Variants in KIF6 observed in about 807,000 individuals in gnomAD.
The protein encoded by KIF6 is kinesin family member 6.
KIF6 carries 106 observed loss-of-function variants against 112.7 expected under a neutral mutation model. The observed-to-expected ratio is 0.94, with a 90% confidence interval of 0.80 to 1.11. The LOEUF is 1.11. Among genes scored for constraint, KIF6 ranks in the 50% least tolerant of loss-of-function variants. The probability of loss-of-function intolerance (pLI) is 0.00; values close to 1 mark genes in which losing one functional copy is unlikely to be tolerated. For missense variants in KIF6, 929 were observed against 964.0 expected (o/e 0.96, Z 0.48); for synonymous variants, 339 against 339.9 (o/e 1.00, Z 0.03).
chr6:39,517,527 G>A (rs1286087136), intron 13 of KIF6, among the ~76,000 whole-genome samples: 1 of 152,160 alleles, frequency 6.6e-6, no homozygotes, highest in African/African-American at 2.4e-5. Context: ...GGGACCTTAA[G>A]CAGTGTCAAT....
intron 13 of KIF6, among the ~76,000 whole-genome samples, chr6:39,532,445 A>G (rs1778130658): frequency 6.6e-6 from 1 of 152,186 alleles, no homozygotes; most frequent in Non-Finnish European, 1.5e-5. Flanking sequence ...GAATTCAGCA[A>G]TCCAGATGGC....
At chr6:39,486,284 C>T (rs1775109860) in intron 13 of KIF6, among the ~76,000 whole-genome samples, 1 of 152,210 alleles carries the variant, frequency 6.6e-6, no homozygotes, top group South Asian at 2.1e-4. Flanking sequence ...GACTACCCTG[C>T]TGGAGAGGCC....
chr6:39,516,460 A>G (rs914637523), intron 13 of KIF6, among the ~76,000 whole-genome samples: 3 of 148,068 alleles, frequency 2.0e-5, no homozygotes, highest in Non-Finnish European at 3.0e-5. Flanking sequence ...TATTTATATT[A>G]TATAAATACA....
intron 15 of KIF6, among the ~76,000 whole-genome samples, chr6:39,412,587 C>T (rs959350771): frequency 2.6e-5 from 4 of 152,152 alleles, no homozygotes; most frequent in Non-Finnish European, 4.4e-5. Context: ...ACAGTCGGTT[C>T]TCTTACAACC....
intron 9 of KIF6, among the ~76,000 whole-genome samples, chr6:39,580,935 T>C (rs1247081692): frequency 6.6e-6 from 1 of 152,170 alleles, no homozygotes; most frequent in African/African-American, 2.4e-5. Context: ...TCTCTAGTGA[T>C]AGATTACTTT....
chr6:39,465,874 C>G (rs1159991589), intron 13 of KIF6, among the ~76,000 whole-genome samples: 1 of 152,160 alleles, frequency 6.6e-6, no homozygotes. Flanking sequence ...TCCTCAAATC[C>G]TCTTCTCCTT....
chr6:39,666,531 C>T (rs1277221258), intron 3 of KIF6, among the ~76,000 whole-genome samples: 3 of 152,242 alleles, frequency 2.0e-5, no homozygotes, highest in East Asian at 3.9e-4. Flanking sequence ...TAAATATATA[C>T]GTAAGAACTC....
At chr6:39,600,441 A>G (rs1428458617) in intron 6 of KIF6, among the ~76,000 whole-genome samples, 1 of 152,196 alleles carries the variant, frequency 6.6e-6, no homozygotes, top group African/African-American at 2.4e-5. Context: ...TAAAGCCACA[A>G]TGTGTGAAAT....
intron 3 of KIF6, among the ~76,000 whole-genome samples, chr6:39,642,075 A>C (rs756609947): frequency 6.6e-6 from 1 of 151,810 alleles, no homozygotes; most frequent in Non-Finnish European, 1.5e-5. Context: ...TCTTGTAACC[A>C]CTCTTCAATG....
intron 16 of KIF6, among the ~76,000 whole-genome samples, chr6:39,377,349 T>TCCCCCCCCCCCCCCCCCCC (rs1766520155): frequency 7.2e-6 from 1 of 139,498 alleles, no homozygotes; most frequent in Non-Finnish European, 1.5e-5. Context: ...GTGCCTGCCC[T>TCCCCCCCCCCCCCCCCCCC]GCCGTCCCCC....
intron 13 of KIF6, among the ~76,000 whole-genome samples, chr6:39,438,321 T>A (rs1254448765): frequency 6.6e-6 from 1 of 152,106 alleles, no homozygotes; most frequent in African/African-American, 2.4e-5. Context: ...CTTCTACTTA[T>A]AAGTTAACTG....
At chr6:39,581,161 C>CTTTTT (rs60321520) in intron 9 of KIF6, among the ~76,000 whole-genome samples, 179 of 78,608 alleles carry the variant, frequency 2.3e-3, no homozygotes, top group African/African-American at 2.7e-3. Context: ...GCTTTACTTT[C>CTTTTT]TTTTTTTTTT....
chr6:39,510,872 C>CAAAAAA (rs1180631310), intron 13 of KIF6, among the ~76,000 whole-genome samples: 85 of 23,836 alleles, frequency 3.6e-3, no homozygotes, highest in East Asian at 8.8e-3. Flanking sequence ...AAATGGGAAG[C>CAAAAAA]AAAAAAAAAA....
At chr6:39,377,310 A>G (rs1401733736) in intron 16 of KIF6, among the ~76,000 whole-genome samples, 1 of 151,968 alleles carries the variant, frequency 6.6e-6, no homozygotes, top group Admixed American at 6.6e-5. Context: ...TGGCCTCCCA[A>G]AGTGCTGAGA....
chr6:39,484,671 C>T (rs918559221), intron 13 of KIF6, among the ~76,000 whole-genome samples: 4 of 152,160 alleles, frequency 2.6e-5, no homozygotes, highest in African/African-American at 4.8e-5. Flanking sequence ...CAGATACGTG[C>T]AATATTACTG....
At chr6:39,626,564 A>G (rs1000232455) in intron 5 of KIF6, among the ~76,000 whole-genome samples, 1 of 152,222 alleles carries the variant, frequency 6.6e-6, no homozygotes, top group African/African-American at 2.4e-5. Flanking sequence ...ACCATAAAAC[A>G]TGGATTATAA....
chr6:39,644,744 T>G (rs1022312875), intron 3 of KIF6, among the ~76,000 whole-genome samples: 1 of 152,152 alleles, frequency 6.6e-6, no homozygotes, highest in Admixed American at 6.6e-5. Context: ...TAAATAATGG[T>G]GATTGATGGT....
At chr6:39,397,117 T>C (rs1768331496) in intron 15 of KIF6, among the ~76,000 whole-genome samples, 1 of 152,182 alleles carries the variant, frequency 6.6e-6, no homozygotes, top group Non-Finnish European at 1.5e-5. Flanking sequence ...CAGCACTCGC[T>C]GACTCCAACT....
chr6:39,478,700 ATTT>A (rs796482220), intron 13 of KIF6, among the ~76,000 whole-genome samples: 3,412 of 106,072 alleles, frequency 0.032, 49 homozygotes, highest in Non-Finnish European at 0.04. Context: ...GACAACATCT[ATTT>A]TTTTTTTTTT....
Sources: gnomAD v4.1 joint callset for allele counts (sites outside exome capture counted in the v4.1 genomes callset) on GRCh38, gnomAD v4.1.1 for gene constraint, MANE v1.5 for transcripts, NCBI Gene and HGNC (gene_info 2026-07-23, HGNC 2026-07-21) for gene names.